Variants in KCNH7 observed in about 807,000 individuals in gnomAD.
KCNH7 encodes the protein potassium voltage-gated channel subfamily H member 7, also known as voltage-gated inwardly rectifying potassium channel KCNH7.
Under a neutral mutation model 120.8 loss-of-function variants are expected in KCNH7, and 49 were observed. The ratio of observed to expected loss-of-function variants is 0.41; its 90% CI spans 0.32 to 0.51. The LOEUF (loss-of-function observed/expected upper bound fraction) is 0.51. Among genes scored for constraint, KCNH7 ranks in the 20% least tolerant of loss-of-function variants. KCNH7 has a pLI of 0.38. For missense variants in KCNH7, 1,097 were observed against 1,446.6 expected, an observed-to-expected ratio of 0.76 and a Z score of 3.92; for synonymous variants, 547 against 516.1, an observed-to-expected ratio of 1.06 and a Z score of -0.81.
intron 2 of KCNH7, among the ~76,000 whole-genome samples, chr2:162,539,415 C>T (rs556397583): frequency 6.6e-6 from 1 of 151,860 alleles, no homozygotes; most frequent in African/African-American, 2.4e-5. Context: ...TATAAAAAAA[C>T]ATAAAAAGTG....
chr2:162,712,224 A>G (rs1454854901), intron 2 of KCNH7, among the ~76,000 whole-genome samples: 1 of 152,172 alleles, frequency 6.6e-6, no homozygotes, highest in Non-Finnish European at 1.5e-5. Flanking sequence ...GCTGAACAAA[A>G]GCAGATTTTT....
At chr2:162,418,049 G>T (rs1451978402) in intron 9 of KCNH7, among the ~76,000 whole-genome samples, 1 of 152,144 alleles carries the variant, frequency 6.6e-6, no homozygotes, top group Non-Finnish European at 1.5e-5. Flanking sequence ...TAGACTTCTT[G>T]CCAGTGTGAA....
At chr2:162,687,330 T>A (rs1685932292) in intron 2 of KCNH7, among the ~76,000 whole-genome samples, 1 of 152,120 alleles carries the variant, frequency 6.6e-6, no homozygotes. Context: ...TTCAGGACTT[T>A]TGCAGGACAG....
chr2:162,800,114 T>A (rs1684290936), intron 2 of KCNH7, among the ~76,000 whole-genome samples: 1 of 151,632 alleles, frequency 6.6e-6, no homozygotes, highest in East Asian at 1.9e-4. Flanking sequence ...CAGGGGCAGA[T>A]CATAGGGCAT....
At chr2:162,708,948 G>A (rs16847188) in intron 2 of KCNH7, among the ~76,000 whole-genome samples, 27,747 of 151,970 alleles carry the variant, frequency 0.18, 3,213 homozygotes, top group East Asian at 0.42. Flanking sequence ...GCACTCAATA[G>A]ATGATTGCTC....
chr2:162,562,197 C>T (rs1466310484), intron 2 of KCNH7, among the ~76,000 whole-genome samples: 1 of 152,092 alleles, frequency 6.6e-6, no homozygotes. Flanking sequence ...TACCCCAGAA[C>T]TTAAAGTATA....
chr2:162,752,493 G>T (rs1688586519), intron 2 of KCNH7, among the ~76,000 whole-genome samples: 1 of 152,082 alleles, frequency 6.6e-6, no homozygotes, highest in South Asian at 2.1e-4. Flanking sequence ...ATTTAATTAA[G>T]TCAATTCATT....
intron 9 of KCNH7, among the ~76,000 whole-genome samples, chr2:162,418,999 G>A (rs1228667797): frequency 6.6e-6 from 1 of 151,716 alleles, no homozygotes; most frequent in African/African-American, 2.4e-5. Context: ...CCTGTCTTGA[G>A]CTACACTTCT....
chr2:162,563,051 T>C (rs1471305144), intron 2 of KCNH7, among the ~76,000 whole-genome samples: 1 of 151,740 alleles, frequency 6.6e-6, no homozygotes, highest in Admixed American at 6.6e-5. Context: ...AGGGTAATTA[T>C]TTTTGACACT....
intron 2 of KCNH7, among the ~76,000 whole-genome samples, chr2:162,715,119 T>C (rs1410209930): frequency 6.6e-6 from 1 of 152,198 alleles, no homozygotes; most frequent in Non-Finnish European, 1.5e-5. Flanking sequence ...TATAAAGAAA[T>C]ACCTGAGAAT....
Position 162,375,304 on chromosome 2 carries a change from A to T in KCNH7, c.3132-1642T>A, listed in dbSNP as rs189544389. On this transcript the variant is annotated intron_variant, in intron 14 of 15. Transcript: ENST00000332142. ...ATCAACAAGGGAGATTCAAGATCCA[A>T]AAATGAGTCAAAAATTATCGTGATG... Among the ~76,000 whole-genome samples, 876 of 152,364 alleles carry T rather than the reference A, an allele frequency of 5.7e-3. 15 individuals carry two copies. Among genetic ancestry groups the T allele is most frequent in the African/African-American group, 0.02 (839 of 41,590 alleles).
At chr2:162,432,794 T>C (rs1486838492) in intron 8 of KCNH7, among the ~76,000 whole-genome samples, 4 of 152,016 alleles carry the variant, frequency 2.6e-5, no homozygotes, top group Admixed American at 2.0e-4. Context: ...AACTTAGCAC[T>C]GGAAGTCCTA....
intron 3 of KCNH7, among the ~76,000 whole-genome samples, chr2:162,535,660 A>C (rs979092586): frequency 9.2e-5 from 14 of 151,814 alleles, no homozygotes; most frequent in Non-Finnish European, 1.8e-4. Flanking sequence ...AAAAATATTA[A>C]ATAATTTTTT....
intron 2 of KCNH7, among the ~76,000 whole-genome samples, chr2:162,734,153 A>G (rs1574320495): frequency 6.6e-6 from 1 of 152,106 alleles, no homozygotes; most frequent in Admixed American, 6.6e-5. Context: ...AAAGCTCTAC[A>G]TAATAATATG....
At chr2:162,401,109 C>T (rs972811800) in intron 9 of KCNH7, among the ~76,000 whole-genome samples, 19 of 151,896 alleles carry the variant, frequency 1.3e-4, no homozygotes, top group African/African-American at 4.3e-4. Context: ...CCAGAATTTG[C>T]AGTGCATACA....
At chr2:162,430,428 T>G (rs1243706867) in intron 8 of KCNH7, among the ~76,000 whole-genome samples, 2 of 152,092 alleles carry the variant, frequency 1.3e-5, no homozygotes, top group Non-Finnish European at 2.9e-5. Flanking sequence ...CTGTTGCCTG[T>G]CTTGCAAATT....
At chr2:162,581,742 A>G (rs192841673) in intron 2 of KCNH7, among the ~76,000 whole-genome samples, 1 of 152,060 alleles carries the variant, frequency 6.6e-6, no homozygotes. Flanking sequence ...TATTGGGAAA[A>G]ATGTGATATC....
At chr2:162,819,546 AATT>A (rs969451498) in intron 2 of KCNH7, among the ~76,000 whole-genome samples, 30 of 152,336 alleles carry the variant, frequency 2.0e-4, no homozygotes, top group African/African-American at 6.7e-4. Context: ...TAGAAATTTT[AATT>A]AAAATGATAC....
Position 162,385,270 on chromosome 2 carries a change from A to G in KCNH7, c.2711-331T>C, listed in dbSNP as rs777689871. ...CTTTCTTTAGGGAAATGAAAAAGAC[A>G]AGGGAAAATGTGTCCCAATTTTAAA... On this transcript the variant is annotated intron_variant, in intron 12 of 15. Coordinates refer to ENST00000332142, the MANE Select transcript of KCNH7 (RefSeq NM_033272.4). 4.6e-5 allele frequency among the ~76,000 whole-genome samples: 7 copies of G among 151,962 alleles called. 1 individual carries two copies. The highest frequency in any genetic ancestry group is 7.4e-5 in the Non-Finnish European group (5 of 67,904).
Sources: gnomAD v4.1 joint callset for allele counts (sites outside exome capture counted in the v4.1 genomes callset) on GRCh38, gnomAD v4.1.1 for gene constraint, MANE v1.5 for transcripts, NCBI Gene and HGNC (gene_info 2026-07-23, HGNC 2026-07-21) for gene names.